The following TASP1 variants were observed in gnomAD, a reference collection of about 807,000 sequenced individuals.
The protein encoded by TASP1 is threonine aspartase 1.
A neutral mutation model predicts 56.6 loss-of-function variants in TASP1; 16 were observed. The ratio of observed to expected loss-of-function variants is 0.28; its 90% CI spans 0.19 to 0.43. TASP1 has a LOEUF of 0.43. TASP1 is among the 20% of genes least tolerant of loss of function. The probability of loss-of-function intolerance (pLI) is 1.00; values close to 1 mark genes in which losing one functional copy is unlikely to be tolerated. For missense variants in TASP1, 393 were observed against 511.6 expected, an observed-to-expected ratio of 0.77 and a Z score of 2.24; for synonymous variants, 179 against 184.2, an observed-to-expected ratio of 0.97 and a Z score of 0.23.
chr20:13,493,760 T>G (rs1277831887), intron 10 of TASP1, among the ~76,000 whole-genome samples: 1 of 152,204 alleles, frequency 6.6e-6, no homozygotes, highest in African/African-American at 2.4e-5. Context: ...ATCCTATAAG[T>G]TCTGTCCCTC....
the TASP1 span, chr20:13,110,283 GC>G: frequency 2.2e-6 from 3 of 1,353,782 alleles, no homozygotes; most frequent in Non-Finnish European, 3.1e-6. Context: ...GTGCGGAAAG[GC>G]TCACCTTTCC....
At chr20:13,275,729 T>C in the TASP1 span, among the ~76,000 whole-genome samples, 2 of 152,240 alleles carry the variant, frequency 1.3e-5, no homozygotes, top group African/African-American at 4.8e-5. Flanking sequence ...GGGCCCAGTA[T>C]AGGATAAGCT....
intron 10 of TASP1, among the ~76,000 whole-genome samples, chr20:13,505,665 T>A (rs2044102942): frequency 6.6e-6 from 1 of 151,888 alleles, no homozygotes; most frequent in African/African-American, 2.4e-5. Flanking sequence ...AAAGAAACAA[T>A]GGGTCAAGGA....
At chr20:13,397,847 C>T (rs146003405) in intron 13 of TASP1, among the ~76,000 whole-genome samples, 143 of 152,240 alleles carry the variant, frequency 9.4e-4, no homozygotes, top group African/African-American at 2.8e-3. Context: ...TGACATTCTA[C>T]GGAGTTTTAC....
intron 12 of TASP1, among the ~76,000 whole-genome samples, chr20:13,429,149 T>C (rs148155619): frequency 6.6e-6 from 1 of 152,314 alleles, no homozygotes; most frequent in Non-Finnish European, 1.5e-5. Flanking sequence ...TGCTGGCCTA[T>C]GAGAAGGGGC....
chr20:13,583,252 AC>A (rs1012989877), intron 5 of TASP1, among the ~76,000 whole-genome samples: 5 of 152,170 alleles, frequency 3.3e-5, no homozygotes, highest in African/African-American at 9.7e-5. Context: ...CTGTGTGCCC[AC>A]CTACCAGCCT....
chr20:13,208,199 T>C, the TASP1 span, among the ~76,000 whole-genome samples: 1 of 152,188 alleles, frequency 6.6e-6, no homozygotes, highest in Admixed American at 6.5e-5. Context: ...AACTTCCTTA[T>C]GGGCTCAGGA....
intron 10 of TASP1, among the ~76,000 whole-genome samples, chr20:13,528,219 CA>C (rs397942980): frequency 0.21 from 11,541 of 54,084 alleles, 119 homozygotes; most frequent in Non-Finnish European, 0.26. Flanking sequence ...GACTCTGACT[CA>C]AAAAAAAAAA....
intron 5 of TASP1, among the ~76,000 whole-genome samples, chr20:13,586,573 T>G (rs1385853515): frequency 1.3e-5 from 2 of 152,100 alleles, no homozygotes; most frequent in Non-Finnish European, 2.9e-5. Flanking sequence ...ATGTTCTACC[T>G]TTTGACATGG....
the TASP1 span, among the ~76,000 whole-genome samples, chr20:13,367,393 C>A: frequency 2.6e-5 from 4 of 152,142 alleles, no homozygotes; most frequent in African/African-American, 9.7e-5. Flanking sequence ...AATAGTTGCT[C>A]CCCCTTGGCC....
chr20:13,209,452 T>G, the TASP1 span, among the ~76,000 whole-genome samples: 1 of 152,232 alleles, frequency 6.6e-6, no homozygotes, highest in African/African-American at 2.4e-5. Context: ...TGAATTGTAC[T>G]GGGAAATTTT....
intron 12 of TASP1, among the ~76,000 whole-genome samples, chr20:13,423,969 C>A (rs1253360153): frequency 6.6e-6 from 1 of 152,114 alleles, no homozygotes; most frequent in Non-Finnish European, 1.5e-5. Context: ...TTATCTAAAA[C>A]ATAAGCAAAT....
chr20:13,155,283 T>TAC, the TASP1 span, among the ~76,000 whole-genome samples: 1 of 152,184 alleles, frequency 6.6e-6, no homozygotes, highest in Non-Finnish European at 1.5e-5. Flanking sequence ...TTCAACATAC[T>TAC]ACGCATCAGA....
the TASP1 span, among the ~76,000 whole-genome samples, chr20:13,139,654 A>G: frequency 6.6e-6 from 1 of 152,182 alleles, no homozygotes; most frequent in Non-Finnish European, 1.5e-5. Context: ...CCTAACCACA[A>G]AGGAACCTGG....
At chr20:13,414,066 AT>A in intron 13 of TASP1, among the ~76,000 whole-genome samples, 1 of 152,242 alleles carries the variant, frequency 6.6e-6, no homozygotes, top group South Asian at 2.1e-4. Context: ...CATTTATAGC[AT>A]TTTTCTGATA....
the TASP1 span, among the ~76,000 whole-genome samples, chr20:13,138,847 CA>C: frequency 6.6e-6 from 1 of 152,126 alleles, no homozygotes; most frequent in African/African-American, 2.4e-5. Flanking sequence ...TAATTCAAGC[CA>C]ATGCTACTTA....
chr20:13,152,303 G>GTCACCCATATACTATACTAT, the TASP1 span, among the ~76,000 whole-genome samples: 1 of 152,266 alleles, frequency 6.6e-6, no homozygotes, highest in African/African-American at 2.4e-5. Context: ...ACATATGGGT[G>GTCACCCATATACTATACTAT]AGCTATAATT....
At chr20:13,292,682 T>C in the TASP1 span, among the ~76,000 whole-genome samples, 31 of 152,182 alleles carry the variant, frequency 2.0e-4, 1 homozygote, top group Middle Eastern at 3.4e-3. Flanking sequence ...TTCACTCTGC[T>C]CTCTATGCAG....
At chr20:13,442,866 T>C (rs190592457) in intron 11 of TASP1, among the ~76,000 whole-genome samples, 2 of 152,270 alleles carry the variant, frequency 1.3e-5, no homozygotes, top group East Asian at 1.9e-4. Flanking sequence ...ATGATCACCA[T>C]GGTGCCGGAA....
Sources: allele counts gnomAD v4.1 joint callset (sites outside exome capture counted in the v4.1 genomes callset), GRCh38; gene constraint gnomAD v4.1.1; transcripts MANE v1.5; gene names NCBI Gene and HGNC (gene_info 2026-07-23, HGNC 2026-07-21).